MRGPRX1: variants seen among roughly 807,000 people sequenced by gnomAD.
MRGPRX1 encodes mas-related G protein-coupled receptor member X1.
For synonymous variants in MRGPRX1, 208 were observed against 170.4 expected (o/e 1.22, Z -1.72); for missense variants, 411 against 393.8 (o/e 1.04, Z -0.37).
chr11:18,938,893 T>C lies in MRGPRX1; in HGVS notation c.-26+387A>G, dbSNP rs537291555. On this transcript the variant is annotated intron_variant, in intron 1 of 1. Transcript: ENST00000526914. Reference sequence around the variant, plus strand: ...GGACCACCTATTTCTTCCTTGAACCTTTCCAGACAGGCAAGGAATAATAAT... The same window carrying C: ...GGACCACCTATTTCTTCCTTGAACCCTTCCAGACAGGCAAGGAATAATAAT... Among the ~76,000 whole-genome samples, 3 of 151,728 alleles carry C rather than the reference T, an allele frequency of 2.0e-5. No homozygotes were observed. The East Asian group carries it at 5.8e-4, about 29-fold the overall frequency.
At chr11:18,935,606 C>T (rs1848834271) in intron 1 of MRGPRX1, among the ~76,000 whole-genome samples, 3 of 151,442 alleles carry the variant, frequency 2.0e-5, no homozygotes, top group Non-Finnish European at 4.4e-5. Flanking sequence ...ACTGATGTGC[C>T]TTTAAAATAA....
chr11:18,936,241 T>C (rs2133262064), intron 1 of MRGPRX1, among the ~76,000 whole-genome samples: 1 of 147,614 alleles, frequency 6.8e-6, no homozygotes, highest in Middle Eastern at 3.6e-3. Context: ...TTAGAGCGGG[T>C]AAAGGAGAGG....
rs892152819 is a variant in MRGPRX1 at position 18,935,060 on chromosome 11, C to G, written c.-25-251G>C. ...TGGGAATAACATTAGGATCAAAACA[C>G]CCCCACTCATCTAGCCAGGGCTGTG... is the stretch of plus-strand genomic sequence containing the variant. On this transcript the variant is annotated intron_variant, in intron 1 of 1. Coordinates refer to ENST00000526914, the MANE Select transcript of MRGPRX1 (RefSeq NM_001393578.1). The G allele has an allele frequency of 7.7e-6, 3 of 390,082 alleles. 1 individual carries two copies. Among genetic ancestry groups the G allele is most frequent in the Non-Finnish European group, 1.4e-5 (3 of 217,060 alleles). The allele number at this position is 390,082 out of a possible 1,614,324, so 24.2% of individuals were successfully genotyped here.
At position 18,934,487 on chromosome 11, in the gene MRGPRX1, G is replaced by C; in HGVS notation, c.298C>G (p.Pro100Ala). The C allele has an allele frequency of 6.2e-7, 1 of 1,610,720 alleles. No individual in the cohort carries two copies. The change falls in exon 2 of 2, where the codon CCT becomes GCT. Residue 100 changes from proline to alanine, a missense_variant. Transcript: ENST00000526914. ...GCAAAGTAGGAAAACATCATCACAG[G>C]ATAGAGGATTTTAGAGATGGTATGG... ...IPHTISKILYPVMMFSYFAGL... is the reference protein window; with the variant it reads ...IPHTISKILYAVMMFSYFAGL...
intron 1 of MRGPRX1, among the ~76,000 whole-genome samples, chr11:18,935,855 G>A (rs1260116924): frequency 1.3e-5 from 2 of 151,512 alleles, no homozygotes; most frequent in East Asian, 3.9e-4. Context: ...GAGATCTTTG[G>A]TTCGTTTCTT....
In MRGPRX1 at chr11:18,933,922, T is replaced by A. The variant is rs1301706515; in HGVS notation, c.863A>T (p.Lys288Met). Residue 288 changes from lysine (K) to methionine (M), a missense_variant, in exon 2 of 2, where the codon AAG (lysine) becomes ATG (methionine). Coordinates refer to ENST00000526914, the MANE Select transcript of MRGPRX1 (RefSeq NM_001393578.1). ...FRQRQNRQNL[K>M]LVLQRALQDA... is the part of the protein sequence containing the mutation. ...CTGCAGAGCCCTCTGGAGAACCAGC[T>A]TCAGGTTCTGCCTATTTTGACGCTG... is the stretch of plus-strand genomic sequence containing the variant. The A allele has an allele frequency of 6.2e-7, 1 of 1,610,872 alleles. No individual in the cohort carries two copies. Among genetic ancestry groups the A allele is most frequent in the Admixed American group, 1.7e-5 (1 of 59,396 alleles).
chr11:18,938,758 C>G (rs1263027279), intron 1 of MRGPRX1, among the ~76,000 whole-genome samples: 3 of 151,340 alleles, frequency 2.0e-5, no homozygotes, highest in Non-Finnish European at 4.4e-5. Context: ...CTTAGTCCTC[C>G]CCTATGTATT....
chr11:18,934,031 G>A lies in MRGPRX1; in HGVS notation c.754C>T (p.His252Tyr). 1 of 1,610,834 alleles carries A rather than the reference G, an allele frequency of 6.2e-7. No individual in the cohort carries two copies. Among genetic ancestry groups the A allele is most frequent in the Non-Finnish European group, 8.5e-7 (1 of 1,178,222 alleles). ...AGGAAAATAGAAACTAGATGAACAT[G>A]ACAAAATAAGACTTCCCTGTCCACG... ...IHVDREVLFCHVHLVSIFLSA... is the reference protein window; with the variant it reads ...IHVDREVLFCYVHLVSIFLSA... The change falls in exon 2 of 2, where the codon CAT (histidine) becomes TAT (tyrosine). Residue 252 changes from histidine (H) to tyrosine (Y), a missense_variant. By Grantham distance (83) the His-to-Tyr change is moderately conservative. Coordinates refer to ENST00000526914, the MANE Select transcript of MRGPRX1 (RefSeq NM_001393578.1).
chr11:18,937,000 T>C (rs1173100780), intron 1 of MRGPRX1, among the ~76,000 whole-genome samples: 1 of 151,418 alleles, frequency 6.6e-6, no homozygotes. Context: ...CAGAAGAGAC[T>C]GCTAGGTTGC....
At position 18,934,365 on chromosome 11, in the gene MRGPRX1, C is replaced by A; in HGVS notation, c.420G>T (p.Ala140=). Residue 140 remains alanine, a synonymous_variant, in exon 2 of 2, where the codon GCG becomes GCT. Transcript: ENST00000526914. ...GGGCCCAGAGCAGGACACACACCAC[C>A]GCTGACAGGTGTGTGGGGCGGTGGC... is the stretch of plus-strand genomic sequence containing the variant. ...YRCHRPTHLS[A]VVCVLLWALS... 6.2e-7 allele frequency: 1 copy of A among 1,610,858 alleles called. No homozygotes were observed. Among genetic ancestry groups the A allele is most frequent in the South Asian group, 1.1e-5 (1 of 90,800 alleles).
rs369909163 is a variant in MRGPRX1 at position 18,933,792 on chromosome 11, G to A, written c.*24C>T. Reference sequence around the variant, plus strand: ...AGGGCAGTGTTGCTCTCAAAGTCCTGTCTGACAGGGCAGAGGCTCTTCCTC... The same window carrying A: ...AGGGCAGTGTTGCTCTCAAAGTCCTATCTGACAGGGCAGAGGCTCTTCCTC... On this transcript the variant is annotated 3_prime_UTR_variant, in exon 2 of 2. Transcript: ENST00000526914. 2.7e-5 allele frequency: 43 copies of A among 1,581,800 alleles called. 1 individual carries two copies. Among genetic ancestry groups the A allele is most frequent in the Non-Finnish European group, 3.5e-5 (41 of 1,164,522 alleles).
intron 1 of MRGPRX1, among the ~76,000 whole-genome samples, chr11:18,936,967 G>A (rs1326185784): frequency 1.3e-5 from 2 of 151,528 alleles, no homozygotes; most frequent in East Asian, 3.9e-4. Flanking sequence ...ATCTTGATGT[G>A]AGTACAGAAT....
rs1289909016 is a variant in MRGPRX1, at chr11:18,934,127, G to A, written c.658C>T (p.Leu220Phe). 1.2e-6 allele frequency: 2 copies of A among 1,610,810 alleles called. No homozygotes were observed. The highest frequency in any genetic ancestry group is 2.7e-5 in the African/African-American group (2 of 74,718). Residue 220 changes from leucine (L) to phenylalanine (F), a missense_variant, in exon 2 of 2, where the codon CTC (leucine) becomes TTC (phenylalanine). Leu to Phe is a conservative substitution (Grantham distance 22). Coordinates refer to ENST00000526914, the MANE Select transcript of MRGPRX1 (RefSeq NM_001393578.1). ...CAGAGGAGGAAGACCAGTACTGTGAGCAGGATGGTCACGTACAGCCTGGTC... is the reference window on the plus strand; with the variant it reads ...CAGAGGAGGAAGACCAGTACTGTGAACAGGATGGTCACGTACAGCCTGGTC... ...PLTRLYVTIL[L>F]TVLVFLLCGL...
At chr11:18,934,872 C>A in intron 1 of MRGPRX1, 63 bp from the exon 2 acceptor site, 2 of 1,449,630 alleles carry the variant, frequency 1.4e-6, no homozygotes, top group Non-Finnish European at 1.9e-6. Context: ...CACCACCCTG[C>A]CATGTGGGAT....
Position 18,934,519 on chromosome 11 carries a change from C to T in MRGPRX1, c.266G>A (p.Ser89Asn), listed in dbSNP as rs770314291. The part of the protein sequence containing the change: ...RLIYSLLSFI[S>N]IPHTISKILY... Reference sequence around the variant, plus strand: ...GATTTTAGAGATGGTATGGGGGATACTGATGAAGCTTAACAGGGAATATAT... The same window carrying T: ...GATTTTAGAGATGGTATGGGGGATATTGATGAAGCTTAACAGGGAATATAT... Residue 89 changes from serine (S) to asparagine (N), a missense_variant, in exon 2 of 2, where the codon AGT (serine) becomes AAT (asparagine). Ser to Asn is a conservative substitution (Grantham distance 46). Transcript: ENST00000526914. The T allele has an allele frequency of 1.9e-5, 30 of 1,610,350 alleles. No homozygotes were observed. In the Admixed American group the frequency reaches 2.2e-4, roughly 12 times the overall value.
rs574669358 is a variant in MRGPRX1, at chr11:18,937,172, A to T, written c.-26+2108T>A. On this transcript the variant is annotated intron_variant, in intron 1 of 1. Coordinates refer to ENST00000526914, the MANE Select transcript of MRGPRX1 (RefSeq NM_001393578.1). ...GTGATGTAAGCAAGTCCTGGCTCAC[A>T]GGACCAATAGCAGGAGCAACGCATC... is the stretch of plus-strand genomic sequence containing the variant. 5.3e-5 allele frequency among the ~76,000 whole-genome samples: 8 copies of T among 151,622 alleles called. No homozygotes were observed. The East Asian group carries it at 1.4e-3, about 26-fold the overall frequency.
chr11:18,938,316 C>T (rs1219908888), intron 1 of MRGPRX1, among the ~76,000 whole-genome samples: 3 of 151,572 alleles, frequency 2.0e-5, no homozygotes, highest in Non-Finnish European at 4.4e-5. Context: ...GCAGCTTCTG[C>T]TTCTAAGAAG....
At chr11:18,938,811 C>T (rs1439005336) in intron 1 of MRGPRX1, among the ~76,000 whole-genome samples, 3 of 151,554 alleles carry the variant, frequency 2.0e-5, no homozygotes, top group Admixed American at 1.3e-4. Context: ...TTTCCCTTAA[C>T]CTTGCACATC....
chr11:18,937,116 C>T (rs1478334574), intron 1 of MRGPRX1, among the ~76,000 whole-genome samples: 2 of 151,426 alleles, frequency 1.3e-5, no homozygotes, highest in Non-Finnish European at 2.9e-5. Context: ...CATTTTATGA[C>T]CAGGTGCTGT....
Sources: gnomAD v4.1 joint callset for allele counts (sites outside exome capture counted in the v4.1 genomes callset) on GRCh38, gnomAD v4.1.1 for gene constraint, MANE v1.5 for transcripts, NCBI Gene and HGNC (gene_info 2026-07-23, HGNC 2026-07-21) for gene names.